Variants in ABCA12 observed in about 807,000 individuals in gnomAD.
The protein encoded by ABCA12 is ATP binding cassette subfamily A member 12, also known as glucosylceramide transporter ABCA12.
ABCA12 carries 156 observed loss-of-function variants against 293.5 expected under a neutral mutation model. The ratio of observed to expected loss-of-function variants is 0.53; its 90% CI spans 0.47 to 0.61. ABCA12 has a LOEUF of 0.61. Ranked by LOEUF, ABCA12 falls within the 20% of genes least tolerant of loss-of-function variation. The pLI, the probability that ABCA12 is intolerant of heterozygous loss-of-function variation, is 0.00. For missense variants in ABCA12, 2,797 were observed against 3,090.2 expected, an observed-to-expected ratio of 0.91 and a Z score of 2.25; for synonymous variants, 1,063 against 1,108.0, an observed-to-expected ratio of 0.96 and a Z score of 0.81.
At position 214,990,901 on chromosome 2, in the gene ABCA12, G is replaced by T. The variant is rs1699897323; in HGVS notation, c.3425C>A (p.Thr1142Lys). ...ILKFGNILPK[T>K]NGFILFLYFS... Reference sequence around the variant, plus strand: ...ATACAGGAACAAAATGAACCCATTTGTTTTAGGAAGAATATTGCCAAACTT... The same window carrying T: ...ATACAGGAACAAAATGAACCCATTTTTTTTAGGAAGAATATTGCCAAACTT... Residue 1142 changes from threonine to lysine, a missense_variant, in exon 24 of 53, where the codon ACA (threonine) becomes AAA (lysine). By Grantham distance (78) the Thr-to-Lys change is moderately conservative. This residue lies in a region of ABCA12 where 2,130 missense variants were observed against 2,427.0 expected (regional missense o/e 0.88). Transcript: ENST00000272895. 6.2e-7 allele frequency: 1 copy of T among 1,614,040 alleles called. No individual in the cohort carries two copies. The highest frequency in any genetic ancestry group is 2.2e-5 in the East Asian group (1 of 44,854).
intron 28 of ABCA12, 56 bp from the exon 29 acceptor site, chr2:214,983,921 A>T: frequency 6.8e-7 from 1 of 1,467,442 alleles, no homozygotes; most frequent in Non-Finnish European, 9.5e-7. Flanking sequence ...GCTAGATATT[A>T]GGAATAACTA....
rs1352740747 is a variant in ABCA12, at chr2:214,982,362, T to C, written c.4404A>G (p.Leu1468=). The change falls in exon 30 of 53, where the codon CTA becomes CTG. Residue 1468 remains leucine (L), a synonymous_variant. Coordinates refer to ENST00000272895, the MANE Select transcript of ABCA12 (RefSeq NM_173076.3). ...CAACTCTCTTATGACGATGGCTATA[T>C]AGTCCAGTATCTTTTAAAGTCCTTC... The part of the protein sequence containing the change: ...EVKRTLKDTG[L]YSHRHKRVGT... 4 of 1,614,008 alleles carry C rather than the reference T, an allele frequency of 2.5e-6. No individual in the cohort carries two copies. Among genetic ancestry groups the C allele is most frequent in the Admixed American group, 1.7e-5 (1 of 60,032 alleles).
intron 11 of ABCA12, chr2:215,023,459 C>A (rs1700674805): frequency 6.6e-6 from 1 of 152,124 alleles, no homozygotes; most frequent in Non-Finnish European, 1.5e-5. Flanking sequence ...CATAATGTAA[C>A]CCTGAAGGAG....
intron 4 of ABCA12, 80 bp downstream of exon 4, chr2:215,054,493 T>C: frequency 8.1e-7 from 1 of 1,240,136 alleles, no homozygotes; most frequent in Non-Finnish European, 1.2e-6. Flanking sequence ...TTGAAAAGTT[T>C]AAAGTATAAA....
intron 11 of ABCA12, among the ~76,000 whole-genome samples, 155 bp from the exon 12 acceptor site, chr2:215,019,951 G>A (rs1700591678): frequency 1.3e-5 from 2 of 152,102 alleles, no homozygotes; most frequent in African/African-American, 4.8e-5. Context: ...TTATTATGAA[G>A]TACTACCGTC....
chr2:215,094,297 A>G (rs770641831), intron 2 of ABCA12, among the ~76,000 whole-genome samples: 1 of 152,078 alleles, frequency 6.6e-6, no homozygotes, highest in Non-Finnish European at 1.5e-5. Flanking sequence ...TGCAAAGGCC[A>G]TCAAAGGGCC....
intron 8 of ABCA12, among the ~76,000 whole-genome samples, chr2:215,035,487 G>T (rs1700971879): frequency 6.6e-6 from 1 of 151,750 alleles, no homozygotes; most frequent in South Asian, 2.1e-4. Context: ...GTTCAAGATG[G>T]TGAAACCCCA....
chr2:215,073,984 T>C (rs1210515410), intron 2 of ABCA12, among the ~76,000 whole-genome samples: 3 of 152,152 alleles, frequency 2.0e-5, no homozygotes, highest in Non-Finnish European at 2.9e-5. Context: ...CTCTGAAAAG[T>C]TTTTCAGTAA....
At chr2:214,982,768 A>T (rs1336135989) in intron 29 of ABCA12, among the ~76,000 whole-genome samples, 1 of 152,070 alleles carries the variant, frequency 6.6e-6, no homozygotes, top group Non-Finnish European at 1.5e-5. Context: ...TCATAAGGAG[A>T]TTATGTTCTA....
At chr2:215,127,046 T>G (rs1230589630) in intron 1 of ABCA12, among the ~76,000 whole-genome samples, 1 of 152,206 alleles carries the variant, frequency 6.6e-6, no homozygotes, top group Non-Finnish European at 1.5e-5. Flanking sequence ...TTTTTGTTTT[T>G]GACCCAATGT....
At chr2:215,019,092 A>T (rs1447949108) in intron 13 of ABCA12, among the ~76,000 whole-genome samples, 1 of 152,238 alleles carries the variant, frequency 6.6e-6, no homozygotes, top group Non-Finnish European at 1.5e-5. Context: ...TGAATGGTCT[A>T]ACTAGTTAAA....
Position 214,997,819 on chromosome 2 carries a change from A to C in ABCA12, c.3180-10T>G, listed in dbSNP as rs750325387. On this transcript the variant is annotated splice_polypyrimidine_tract_variant and intron_variant, in intron 22 of 52. Transcript: ENST00000272895. Reference sequence around the variant, plus strand: ...GACACTGGTTAGGAAGCTGTAAAACAAACAAAAAAAGAAAAATTCAGCGAC... The same window carrying C: ...GACACTGGTTAGGAAGCTGTAAAACCAACAAAAAAAGAAAAATTCAGCGAC... The C allele has an allele frequency of 4.4e-6, 7 of 1,582,874 alleles. No individual in the cohort carries two copies. Among genetic ancestry groups the C allele is most frequent in the Admixed American group, 3.3e-5 (2 of 59,864 alleles).
chr2:214,976,992 C>A (rs1318304653), intron 33 of ABCA12, among the ~76,000 whole-genome samples: 1 of 152,172 alleles, frequency 6.6e-6, no homozygotes, highest in Admixed American at 6.5e-5. Context: ...GCACAAAAAT[C>A]ATGATCTTCA....
chr2:215,003,248 C>G (rs1700180932), intron 20 of ABCA12, among the ~76,000 whole-genome samples: 1 of 152,178 alleles, frequency 6.6e-6, no homozygotes, highest in Admixed American at 6.5e-5. Flanking sequence ...GAATCAGACA[C>G]AGCCTGAATT....
chr2:214,951,166 T>C, intron 44 of ABCA12, 83 bp from the exon 45 acceptor site: 1 of 1,194,128 alleles, frequency 8.4e-7, no homozygotes, highest in African/African-American at 1.5e-5. Context: ...GGTTTTCATG[T>C]CACTAACAGT....
At position 214,997,752 on chromosome 2, in the gene ABCA12, T is replaced by C; in HGVS notation, c.3237A>G (p.Val1079=). 3.1e-6 allele frequency: 5 copies of C among 1,613,622 alleles called. No homozygotes were observed. The highest frequency in any genetic ancestry group is 4.2e-6 in the Non-Finnish European group (5 of 1,179,746). ...LPIVLMVAWV[V]FIAAFVKKLV... is the part of the protein sequence containing the mutation. ...GCTTTTTTACAAAGGCAGCTATAAA[T>C]ACAACCCAGGCAACCATAAGCACAA... The change falls in exon 23 of 53, where the codon GTA becomes GTG. Residue 1079 remains valine, a synonymous_variant. Coordinates refer to ENST00000272895, the MANE Select transcript of ABCA12 (RefSeq NM_173076.3).
At chr2:215,003,084 A>G (rs141308343) in intron 20 of ABCA12, among the ~76,000 whole-genome samples, 1 of 152,334 alleles carries the variant, frequency 6.6e-6, no homozygotes, top group East Asian at 1.9e-4. Context: ...ATCATATACA[A>G]TACAAATATA....
intron 1 of ABCA12, among the ~76,000 whole-genome samples, chr2:215,121,756 T>C (rs560403481): frequency 6.6e-6 from 1 of 152,292 alleles, no homozygotes; most frequent in South Asian, 2.1e-4. Context: ...TGTGCTGTTC[T>C]CATGATAGTG....
chr2:214,961,593 A>G (rs779091721), intron 39 of ABCA12, among the ~76,000 whole-genome samples: 3 of 152,136 alleles, frequency 2.0e-5, no homozygotes, highest in African/African-American at 7.2e-5. Flanking sequence ...TAGTTCTTAT[A>G]CTTTCATTAT....
Sources: gnomAD v4.1 joint callset for allele counts (sites outside exome capture counted in the v4.1 genomes callset) on GRCh38, gnomAD v4.1.1 for gene constraint, gnomAD v4.1.1 regional missense constraint, MANE v1.5 for transcripts, NCBI Gene and HGNC (gene_info 2026-07-23, HGNC 2026-07-21) for gene names.